Variants in PIGQ observed in about 807,000 individuals in gnomAD.
PIGQ encodes the protein phosphatidylinositol glycan anchor biosynthesis class Q.
In PIGQ, 54 loss-of-function variants were observed where a neutral mutation model predicts 60.3. The observed-to-expected ratio is 0.90, with a 90% CI of 0.72 to 1.12. The LOEUF is 1.12. PIGQ is among the 50% of genes most tolerant of loss of function. PIGQ has a pLI of 0.00. For missense variants in PIGQ, 799 were observed against 793.5 expected (o/e 1.01, Z -0.08); for synonymous variants, 416 against 363.7 (o/e 1.14, Z -1.64).
At position 575,453 on chromosome 16, in the gene PIGQ, G is replaced by T. The variant is rs1231867339; in HGVS notation, c.690-386G>T. ...CCTTAGACCCGGGGGTGCATACTCT[G>T]GAAGCCTGGGGTGAGAAGCTAGGCC... On this transcript the variant is annotated intron_variant, in intron 2 of 10. Coordinates refer to ENST00000321878, the MANE Select transcript of PIGQ (RefSeq NM_004204.5). 2.0e-5 allele frequency among the ~76,000 whole-genome samples: 3 copies of T among 152,192 alleles called. No homozygotes were observed. The South Asian group carries it at 6.2e-4, about 31-fold the overall frequency.
intron 1 of PIGQ, among the ~76,000 whole-genome samples, chr16:573,633 G>A (rs538218014): frequency 6.6e-6 from 1 of 152,332 alleles, no homozygotes; most frequent in East Asian, 1.9e-4. Context: ...CCTTGCTAAT[G>A]AGATTGTACA....
chr16:582,907 G>A lies in PIGQ; in HGVS notation c.1618G>A (p.Val540Met), dbSNP rs1369795901. Reference protein sequence around the residue: ...MQINPLPYSRVVHTYRLPSCG... With the variant: ...MQINPLPYSRMVHTYRLPSCG... ...GATAAACCCACTGCCCTACAGCCGC[G>A]TGGTGCACACCTACCGCCTCCCCAG... Residue 540 changes from valine to methionine, a missense_variant, in exon 11 of 11, where the codon GTG becomes ATG. Transcript: ENST00000321878. 2.5e-6 allele frequency: 4 copies of A among 1,609,240 alleles called. No individual in the cohort carries two copies. The highest frequency in any genetic ancestry group is 1.8e-4 in the Middle Eastern group (1 of 5,520).
intron 4 of PIGQ, chr16:577,227 CT>C (rs2035731239): frequency 6.6e-6 from 1 of 152,232 alleles, no homozygotes; most frequent in East Asian, 1.9e-4. Flanking sequence ...ATGAAAGTCT[CT>C]TCCTGCTGCC....
chr16:582,911 T>A lies in PIGQ; in HGVS notation c.1622T>A (p.Val541Glu), dbSNP rs781391334. ...QINPLPYSRV[V>E]HTYRLPSCGC... ...AACCCACTGCCCTACAGCCGCGTGG[T>A]GCACACCTACCGCCTCCCCAGCTGT... is the stretch of plus-strand genomic sequence containing the variant. The change falls in exon 11 of 11, where the codon GTG becomes GAG. Residue 541 changes from valine (V) to glutamate (E), a missense_variant. Physicochemically the swap from Val to Glu is moderately radical, Grantham distance 121. Transcript: ENST00000321878. The A allele has an allele frequency of 1.2e-6, 2 of 1,611,248 alleles. No individual in the cohort carries two copies. Among genetic ancestry groups the A allele is most frequent in the Non-Finnish European group, 1.7e-6 (2 of 1,179,212 alleles).
intron 1 of PIGQ, among the ~76,000 whole-genome samples, chr16:571,740 C>T (rs2035633037): frequency 6.6e-6 from 1 of 152,110 alleles, no homozygotes; most frequent in South Asian, 2.1e-4. Context: ...ATCCCAGCAG[C>T]TGCTAGTGCA....
At chr16:579,373 T>C (rs1843825259) in intron 7 of PIGQ, 193 bp downstream of exon 7, 2 of 600,034 alleles carry the variant, frequency 3.3e-6, no homozygotes, top group South Asian at 1.9e-5. Context: ...AGAGCTTCCC[T>C]GGGCCACAGA....
At chr16:578,253 A>G (rs1282969045) in intron 4 of PIGQ, 126 bp from the exon 5 acceptor site, 3 of 953,798 alleles carry the variant, frequency 3.1e-6, no homozygotes, top group African/African-American at 1.6e-5. Context: ...TGTCCACGCT[A>G]GGACGCGGTA....
intron 1 of PIGQ, among the ~76,000 whole-genome samples, chr16:572,948 A>G (rs1481528420): frequency 6.6e-6 from 1 of 152,046 alleles, no homozygotes; most frequent in Admixed American, 6.5e-5. Flanking sequence ...TGGCCGCTCC[A>G]CTCTTCGTGC....
chr16:580,129 C>A lies in PIGQ; in HGVS notation c.1336-54C>A, dbSNP rs1018172175. ...GATGGGGGAGGGCACAGTGCTGGGCCGTCCCTGGGCGCGGGGTCCTGCTGA... is the reference window on the plus strand; with the variant it reads ...GATGGGGGAGGGCACAGTGCTGGGCAGTCCCTGGGCGCGGGGTCCTGCTGA... On this transcript the variant is annotated intron_variant, in intron 7 of 10. Coordinates refer to ENST00000321878, the MANE Select transcript of PIGQ (RefSeq NM_004204.5). 1.8e-5 allele frequency: 26 copies of A among 1,438,896 alleles called. 2 individuals are homozygous for A. In the South Asian group the frequency reaches 3.2e-4, roughly 18 times the overall value. The allele number at this position is 1,438,896 out of a possible 1,614,324, so 89.1% of individuals were successfully genotyped here.
Position 575,905 on chromosome 16 carries a change from C to T in PIGQ, c.756C>T (p.His252=). 6.3e-7 allele frequency: 1 copy of T among 1,577,452 alleles called. No homozygotes were observed. The highest frequency in any genetic ancestry group is 8.6e-7 in the Non-Finnish European group (1 of 1,161,094). Residue 252 remains histidine (H), a synonymous_variant, in exon 3 of 11, where the codon CAC becomes CAT. Coordinates refer to ENST00000321878, the MANE Select transcript of PIGQ (RefSeq NM_004204.5). ...SKLSTCEQLR[H]RLEHLTLIFS... ...TCTCCACGTGCGAACAGCTCCGGCA[C>T]CGGCTGGAGCACCTCACGCTAATCT...
At chr16:571,549 TGTGTCTGGCTAGCCTGGTGCCC>T (rs1454647105) in intron 1 of PIGQ, among the ~76,000 whole-genome samples, 1 of 118,298 alleles carries the variant, frequency 8.5e-6, no homozygotes, top group African/African-American at 3.5e-5. Context: ...TGTGTGTGTG[TGTGTCTGGCTAGCCTGGTGCCC>T]GTGTGTGTGT....
At chr16:570,852 G>C (rs2151041795) in intron 1 of PIGQ, 1 of 152,460 alleles carries the variant, frequency 6.6e-6, no homozygotes, top group South Asian at 2.1e-4. Context: ...CTCAGCCAGA[G>C]ATGGCCCTGG....
At position 583,940 on chromosome 16, in the gene PIGQ, C is replaced by T. The variant is rs888908879; in HGVS notation, c.*905C>T. On this transcript the variant is annotated 3_prime_UTR_variant, in exon 11 of 11. Transcript: ENST00000321878. ...CGGGTGTTCCCTGTGAGCCCGAGTC[C>T]GCTTCAGGAGGGGAGCCTGCAGGTG... is the stretch of plus-strand genomic sequence containing the variant. 3.3e-5 allele frequency: 15 copies of T among 452,096 alleles called. No homozygotes were observed. The highest frequency in any genetic ancestry group is 1.4e-4 in the South Asian group (7 of 48,624). 28.0% of individuals were successfully genotyped at this position (452,096 alleles called of 1,614,324 possible).
chr16:583,374 C>T lies in PIGQ; in HGVS notation c.*339C>T, dbSNP rs139330965. On this transcript the variant is annotated 3_prime_UTR_variant, in exon 11 of 11. Transcript: ENST00000321878. ...CCTGTGTACCCAGGTCCAGAGGGTC[C>T]GTCCACCACAGCAGCCCCAGGTGGA... 7.3e-5 allele frequency: 118 copies of T among 1,612,434 alleles called. No homozygotes were observed. The highest frequency in any genetic ancestry group is 6.6e-4 in the Middle Eastern group (4 of 6,082).
At chr16:572,496 A>C in intron 1 of PIGQ, 1 of 456,108 alleles carries the variant, frequency 2.2e-6, no homozygotes, top group Non-Finnish European at 4.4e-6. Context: ...GAGCCCCTCC[A>C]AGCTTCGGGA....
Position 580,838 on chromosome 16 carries a change from TA to T in PIGQ, c.1417-17del. 8.6e-7 allele frequency: 1 copy of T among 1,167,592 alleles called. No homozygotes were observed. Among genetic ancestry groups the T allele is most frequent in the South Asian group, 1.2e-5 (1 of 82,392 alleles). The allele number at this position is 1,167,592 out of a possible 1,614,324, so 72.3% of individuals were successfully genotyped here. A position where few individuals can be genotyped will look rare whatever the true frequency, so the allele number is the denominator to read the frequency against. Reference sequence around the variant, plus strand: ...CAGGCGCGTCTGGCCGGGCCGGTCCTAAATGCTCCTCTGCCACAGCTCCGGC... The same window carrying T: ...CAGGCGCGTCTGGCCGGGCCGGTCCTAATGCTCCTCTGCCACAGCTCCGGC... On this transcript the variant is annotated intron_variant, in intron 8 of 10. Coordinates refer to ENST00000321878, the MANE Select transcript of PIGQ (RefSeq NM_004204.5).
In PIGQ at chr16:575,933, A is replaced by G. The variant is rs1181300422; in HGVS notation, c.784A>G (p.Ser262Gly). 10 of 1,584,632 alleles carry G rather than the reference A, an allele frequency of 6.3e-6. No homozygotes were observed. The South Asian group carries it at 8.0e-5, about 13-fold the overall frequency. The change falls in exon 3 of 11, where the codon AGT becomes GGT. Residue 262 changes from serine (S) to glycine (G), a missense_variant. Physicochemically the swap from Ser to Gly is moderately conservative, Grantham distance 56. Coordinates refer to ENST00000321878, the MANE Select transcript of PIGQ (RefSeq NM_004204.5). ...GCTGGAGCACCTCACGCTAATCTTC[A>G]GTACACGGAAGGCGGAGAACCCTGC... is the stretch of plus-strand genomic sequence containing the variant. Reference protein sequence around the residue: ...HRLEHLTLIFSTRKAENPAQL... With the variant: ...HRLEHLTLIFGTRKAENPAQL...
rs554432770 is a variant in PIGQ at position 574,043 on chromosome 16, G to T, written c.-9-23G>T. The T allele has an allele frequency of 7.1e-4, 1,089 of 1,536,310 alleles. 11 individuals carry two copies. In the African/African-American group the frequency reaches 0.01, roughly 15 times the overall value. ...GGGGGGGCAGCAGCAGCTCTGAGCC[G>T]AGCCTCTCCTCTTCTCTTCCAGCCT... On this transcript the variant is annotated intron_variant, in intron 1 of 10. Coordinates refer to ENST00000321878, the MANE Select transcript of PIGQ (RefSeq NM_004204.5).
chr16:574,506 C>G lies in PIGQ; in HGVS notation c.432C>G (p.Pro144=). The change falls in exon 2 of 11, where the codon CCC becomes CCG. Residue 144 remains proline (P), a synonymous_variant. Coordinates refer to ENST00000321878, the MANE Select transcript of PIGQ (RefSeq NM_004204.5). ...RQVLLSQLHL[P]TVLPDRQAGA... ...TGTTGCTGTCACAGCTACACCTGCC[C>G]ACCGTCCTGCCCGACCGCCAGGCTG... The G allele has an allele frequency of 6.2e-7, 1 of 1,608,324 alleles. No individual in the cohort carries two copies. The highest frequency in any genetic ancestry group is 1.1e-5 in the South Asian group (1 of 90,252).
Sources: gnomAD v4.1 joint callset for allele counts (sites outside exome capture counted in the v4.1 genomes callset) on GRCh38, gnomAD v4.1.1 for gene constraint, MANE v1.5 for transcripts, NCBI Gene and HGNC (gene_info 2026-07-23, HGNC 2026-07-21) for gene names.